The following CDK1 variants were observed in gnomAD, a reference collection of about 807,000 sequenced individuals.
CDK1 encodes cyclin-dependent kinase 1.
Under a neutral mutation model 34.6 loss-of-function variants are expected in CDK1, and 5 were observed. That is an observed-to-expected ratio of 0.14 (90% confidence interval 0.08 to 0.30). The LOEUF (loss-of-function observed/expected upper bound fraction) is 0.30. Among genes scored for constraint, CDK1 ranks in the 10% least tolerant of loss-of-function variants. The probability of loss-of-function intolerance (pLI) is 1.00; values close to 1 mark genes in which losing one functional copy is unlikely to be tolerated. For synonymous variants in CDK1, 108 were observed against 114.7 expected (o/e 0.94, Z 0.37); for missense variants, 157 against 345.7 (o/e 0.45, Z 4.33).
chr10:60,787,105 A>G, intron 4 of CDK1: 1 of 979,220 alleles, frequency 1.0e-6, no homozygotes, highest in African/African-American at 1.7e-5. Context: ...GGTTTTATGT[A>G]CAGGCAACAA....
At chr10:60,792,872 T>C (rs2080370880) in intron 7 of CDK1, among the ~76,000 whole-genome samples, 1 of 152,140 alleles carries the variant, frequency 6.6e-6, no homozygotes, top group Non-Finnish European at 1.5e-5. Context: ...ACAATTGACA[T>C]ATCTTGGAGT....
chr10:60,784,574 G>C, intron 2 of CDK1, 131 bp from the exon 3 acceptor site: 1 of 679,444 alleles, frequency 1.5e-6, no homozygotes, highest in South Asian at 2.0e-5. Context: ...AGGTTGTAGT[G>C]AGCCTTGATT....
chr10:60,779,266 T>C (rs1343882564), intron 1 of CDK1, among the ~76,000 whole-genome samples: 1 of 152,214 alleles, frequency 6.6e-6, no homozygotes, highest in Non-Finnish European at 1.5e-5. Flanking sequence ...CTATTCTGAG[T>C]GTGCTTTATA....
intron 3 of CDK1, among the ~76,000 whole-genome samples, 173 bp from the exon 4 acceptor site, chr10:60,785,491 T>C (rs540585146): frequency 1.6e-4 from 25 of 152,324 alleles, no homozygotes; most frequent in African/African-American, 5.8e-4. Flanking sequence ...TTTAAATAGT[T>C]GCCCTGAGAT....
intron 3 of CDK1, 69 bp from the exon 4 acceptor site, chr10:60,785,595 G>A (rs190179106): frequency 2.1e-6 from 2 of 938,846 alleles, no homozygotes; most frequent in Non-Finnish European, 3.2e-6. Context: ...TATGGAAGGA[G>A]TTTTATTTTG....
Position 60,784,701 on chromosome 10 carries a change from T to G in CDK1, c.38-4T>G. 1 of 1,607,876 alleles carries G rather than the reference T, an allele frequency of 6.2e-7. No individual in the cohort carries two copies. ...CACACAGCATATTATTTACTTTGTT[T>G]CAGGTACCTATGGAGTTGTGTATAA... On this transcript the variant is annotated splice_region_variant and splice_polypyrimidine_tract_variant and intron_variant, in intron 2 of 7. Transcript: ENST00000395284.
intron 5 of CDK1, among the ~76,000 whole-genome samples, chr10:60,790,651 A>G (rs1417342151): frequency 1.3e-5 from 2 of 152,042 alleles, no homozygotes; most frequent in African/African-American, 4.8e-5. Context: ...TTTTCTTCCA[A>G]TAGTTTCATA....
chr10:60,787,949 G>C (rs993063532), intron 4 of CDK1, 111 bp from the exon 5 acceptor site: 32 of 570,134 alleles, frequency 5.6e-5, no homozygotes, highest in African/African-American at 4.9e-4. Flanking sequence ...TGGCCTGAAA[G>C]CTCTAGTAAT....
chr10:60,786,798 T>A, intron 4 of CDK1: 1 of 789,818 alleles, frequency 1.3e-6, no homozygotes, highest in Non-Finnish European at 1.5e-6. Flanking sequence ...CATGACAATT[T>A]AACACTTCAT....
intron 2 of CDK1, among the ~76,000 whole-genome samples, chr10:60,782,610 G>C (rs186676475): frequency 1.3e-5 from 2 of 152,188 alleles, no homozygotes; most frequent in East Asian, 1.9e-4. Context: ...TCCATAACTT[G>C]ATCATATCCT....
intron 3 of CDK1, 86 bp downstream of exon 3, chr10:60,784,947 A>C: frequency 7.7e-7 from 1 of 1,299,686 alleles, no homozygotes; most frequent in Non-Finnish European, 1.1e-6. Context: ...CATTTGCTCA[A>C]TTTCTTGGTC....
intron 5 of CDK1, among the ~76,000 whole-genome samples, chr10:60,791,431 G>A (rs1327448594): frequency 6.6e-6 from 1 of 152,036 alleles, no homozygotes; most frequent in Non-Finnish European, 1.5e-5. Context: ...CTATATATAA[G>A]ATCATCTCTG....
chr10:60,790,792 C>G (rs1292307926), intron 5 of CDK1, among the ~76,000 whole-genome samples: 1 of 152,056 alleles, frequency 6.6e-6, no homozygotes, highest in Non-Finnish European at 1.5e-5. Flanking sequence ...TTGGCTTTTC[C>G]CTAGTGAATG....
intron 2 of CDK1, among the ~76,000 whole-genome samples, chr10:60,782,317 G>T (rs2080279915): frequency 2.0e-5 from 3 of 152,046 alleles, no homozygotes; most frequent in African/African-American, 7.2e-5. Context: ...ATTTAGAACA[G>T]TCTCTGCCTT....
chr10:60,783,068 C>T (rs954969092), intron 2 of CDK1, among the ~76,000 whole-genome samples: 1 of 152,082 alleles, frequency 6.6e-6, no homozygotes, highest in African/African-American at 2.4e-5. Flanking sequence ...ACTAATTTTC[C>T]TGAGATCACT....
In CDK1 at chr10:60,783,885, A is replaced by G. The variant is rs201312840; in HGVS notation, c.38-820A>G. Among the ~76,000 whole-genome samples the G allele has an allele frequency of 3.3e-5, 5 of 152,320 alleles. No homozygotes were observed. The East Asian group carries it at 9.6e-4, about 29-fold the overall frequency. On this transcript the variant is annotated intron_variant, in intron 2 of 7. Coordinates refer to ENST00000395284, the MANE Select transcript of CDK1 (RefSeq NM_001786.5). Reference sequence around the variant, plus strand: ...TACAATGTGCTTTATTAGGTTTAATACACAAACACCTGGTCTTTTTTCTCC... The same window carrying G: ...TACAATGTGCTTTATTAGGTTTAATGCACAAACACCTGGTCTTTTTTCTCC...
At chr10:60,789,430 G>A (rs1481074842) in intron 5 of CDK1, among the ~76,000 whole-genome samples, 1 of 152,068 alleles carries the variant, frequency 6.6e-6, no homozygotes, top group Non-Finnish European at 1.5e-5. Flanking sequence ...CCACTCTATG[G>A]CCATTAGATC....
intron 1 of CDK1, among the ~76,000 whole-genome samples, chr10:60,779,647 C>G (rs1049964029): frequency 2.0e-5 from 3 of 152,056 alleles, no homozygotes; most frequent in African/African-American, 7.2e-5. Context: ...ATGTTTTTGT[C>G]GTTTTAAACA....
At chr10:60,782,827 T>A (rs2132064112) in intron 2 of CDK1, among the ~76,000 whole-genome samples, 1 of 152,302 alleles carries the variant, frequency 6.6e-6, no homozygotes, top group East Asian at 1.9e-4. Flanking sequence ...TTTTGGATGA[T>A]TAACCAATAG....
Sources: gnomAD v4.1 joint callset for allele counts (sites outside exome capture counted in the v4.1 genomes callset) on GRCh38, gnomAD v4.1.1 for gene constraint, MANE v1.5 for transcripts, NCBI Gene and HGNC (gene_info 2026-07-23, HGNC 2026-07-21) for gene names.